The following SLFN12L variants were observed in gnomAD, a reference collection of about 807,000 sequenced individuals.
The protein encoded by SLFN12L is schlafen family member 12-like.
SLFN12L carries 34 observed loss-of-function variants against 34.8 expected under a neutral mutation model. The ratio of observed to expected loss-of-function variants is 0.98; its 90% CI spans 0.74 to 1.30. The LOEUF (loss-of-function observed/expected upper bound fraction) is 1.30, where lower values mean the gene tolerates loss of function less well. SLFN12L is among the 50% of genes most tolerant of loss of function. SLFN12L has a pLI of 0.00. For missense variants in SLFN12L, 703 were observed against 696.2 expected (o/e 1.01, Z -0.11); for synonymous variants, 259 against 247.5 (o/e 1.05, Z -0.44).
chr17:35,498,776 G>C, intron 2 of SLFN12L: 1 of 1,029,306 alleles, frequency 9.7e-7, no homozygotes, highest in Non-Finnish European at 1.5e-6. Flanking sequence ...ATACTGCCCT[G>C]TGCAAAATGT....
intron 2 of SLFN12L, chr17:35,490,247 C>T (rs923232823): frequency 1.3e-6 from 2 of 1,541,132 alleles, no homozygotes; most frequent in South Asian, 1.1e-5. Flanking sequence ...AGAAAGCGGT[C>T]ATCAGTACCT....
chr17:35,490,185 C>A (rs956041648), intron 2 of SLFN12L: 2 of 1,603,900 alleles, frequency 1.2e-6, no homozygotes, highest in Admixed American at 1.7e-5. Context: ...CAGCCACCAG[C>A]GCTGGGACGA....
chr17:35,492,560 G>T (rs552990039), intron 2 of SLFN12L, among the ~76,000 whole-genome samples: 55 of 152,316 alleles, frequency 3.6e-4, no homozygotes, highest in Admixed American at 6.5e-4. Context: ...AATAGTTCTG[G>T]CCAGACCCCG....
intron 4 of SLFN12L, 180 bp downstream of exon 4, chr17:35,477,895 C>G: frequency 4.1e-6 from 2 of 486,142 alleles, no homozygotes; most frequent in Middle Eastern, 3.0e-4. Context: ...AACAATTCTA[C>G]CCCTACTTAG....
chr17:35,525,271 T>C (rs143322202), intron 1 of SLFN12L, among the ~76,000 whole-genome samples: 12,781 of 152,148 alleles, frequency 0.084, 1,005 homozygotes, highest in African/African-American at 0.21. Flanking sequence ...TGGAACCAAT[T>C]TGGAAAACAC....
At chr17:35,490,976 G>C (rs557721848) in intron 2 of SLFN12L, 7 of 785,324 alleles carry the variant, frequency 8.9e-6, no homozygotes, top group Admixed American at 8.5e-5. Flanking sequence ...AGGACATAGC[G>C]ATTGCTCAAT....
At chr17:35,478,392 ACT>A (rs1280033126) in intron 3 of SLFN12L, 2 of 374,948 alleles carry the variant, frequency 5.3e-6, no homozygotes, top group African/African-American at 2.2e-5. Flanking sequence ...CTGCTGAAAC[ACT>A]CTATACTTGG....
rs184475097 is a variant in SLFN12L, at chr17:35,478,099, G to C, written c.1252C>G (p.Gln418Glu). The change falls in exon 4 of 5, where the codon CAG (glutamine) becomes GAG (glutamate). Residue 418 changes from glutamine (Q) to glutamate (E), a missense_variant. Gln to Glu is a conservative substitution (Grantham distance 29). Coordinates refer to ENST00000628453, the MANE Select transcript of SLFN12L (RefSeq NM_001363830.2). Reference protein sequence around the residue: ...PLREYINFKIQPLRYHLPGLS... With the variant: ...PLREYINFKIEPLRYHLPGLS... The stretch of plus-strand genomic sequence containing the variant: ...CCTGGAAGGTGATATCTCAGTGGCT[G>C]AATTTTGAAGTTAATATATTCACGA... The C allele has an allele frequency of 6.5e-7, 1 of 1,542,966 alleles. No individual in the cohort carries two copies. The highest frequency in any genetic ancestry group is 1.4e-5 in the African/African-American group (1 of 72,720).
intron 2 of SLFN12L, among the ~76,000 whole-genome samples, chr17:35,501,312 C>G (rs1046433098): frequency 2.0e-5 from 3 of 152,242 alleles, no homozygotes; most frequent in African/African-American, 7.2e-5. Flanking sequence ...GGAACTGGCA[C>G]TTGGAGTCCG....
chr17:35,480,947 A>T (rs937113284), intron 2 of SLFN12L, among the ~76,000 whole-genome samples: 1 of 152,130 alleles, frequency 6.6e-6, no homozygotes, highest in Non-Finnish European at 1.5e-5. Context: ...ATTATATATG[A>T]TTATCATTAA....
intron 2 of SLFN12L, among the ~76,000 whole-genome samples, chr17:35,505,509 A>G (rs972834321): frequency 2.6e-5 from 4 of 152,244 alleles, no homozygotes; most frequent in Non-Finnish European, 4.4e-5. Context: ...TCATTGGCTA[A>G]CAAATGCTAG....
chr17:35,495,839 G>C (rs1315800687), intron 2 of SLFN12L, among the ~76,000 whole-genome samples: 1 of 151,748 alleles, frequency 6.6e-6, no homozygotes, highest in African/African-American at 2.4e-5. Context: ...GACCCACTGG[G>C]ATGAGGGCAG....
In SLFN12L at chr17:35,522,800, T is replaced by G; in HGVS notation, c.-436A>C. On this transcript the variant is annotated 5_prime_UTR_variant, in exon 2 of 5. Transcript: ENST00000628453. ...CTATCAGCAGAGCATCACAGATGAC[T>G]CCTGGCTTCTCCTGCAAATTCAGGT... The G allele has an allele frequency of 2.0e-6, 3 of 1,486,470 alleles. No individual in the cohort carries two copies. Among genetic ancestry groups the G allele is most frequent in the Non-Finnish European group, 2.8e-6 (3 of 1,073,328 alleles). 92.1% of individuals were successfully genotyped at this position (1,486,470 alleles called of 1,614,324 possible).
At chr17:35,534,818 C>G (rs950036969) in intron 1 of SLFN12L, among the ~76,000 whole-genome samples, 2 of 152,154 alleles carry the variant, frequency 1.3e-5, no homozygotes, top group African/African-American at 4.8e-5. Flanking sequence ...GGAGAGAGAA[C>G]CTGGATATAT....
chr17:35,509,907 C>T (rs1597867146), intron 2 of SLFN12L: 1 of 152,182 alleles, frequency 6.6e-6, no homozygotes, highest in South Asian at 2.1e-4. Context: ...CCGTGTTAGC[C>T]AAGATGGTCT....
At chr17:35,497,442 A>G (rs1915130455) in intron 2 of SLFN12L, among the ~76,000 whole-genome samples, 1 of 152,070 alleles carries the variant, frequency 6.6e-6, no homozygotes, top group African/African-American at 2.4e-5. Context: ...AATTTTTTAA[A>G]AAAGCAAAAA....
At chr17:35,508,074 T>C (rs1405655574) in intron 2 of SLFN12L, among the ~76,000 whole-genome samples, 4 of 152,236 alleles carry the variant, frequency 2.6e-5, no homozygotes. Context: ...ACGTTATCTA[T>C]AGATTCCAGA....
intron 1 of SLFN12L, among the ~76,000 whole-genome samples, chr17:35,525,777 C>T (rs1011150977): frequency 3.9e-5 from 6 of 152,268 alleles, no homozygotes; most frequent in South Asian, 2.1e-4. Context: ...TAAAGACCAT[C>T]GACACTATGA....
At chr17:35,494,889 T>TTTATTTATTTATTTA (rs1555542073) in intron 2 of SLFN12L, among the ~76,000 whole-genome samples, 2 of 146,842 alleles carry the variant, frequency 1.4e-5, no homozygotes, top group African/African-American at 5.1e-5. Context: ...AATTTATTTA[T>TTTATTTATTTATTTA]TTTATTTATT....
Sources: gnomAD v4.1 joint callset for allele counts (sites outside exome capture counted in the v4.1 genomes callset) on GRCh38, gnomAD v4.1.1 for gene constraint, MANE v1.5 for transcripts, NCBI Gene and HGNC (gene_info 2026-07-23, HGNC 2026-07-21) for gene names.